The following DPH6 variants were observed in gnomAD, a reference collection of about 807,000 sequenced individuals.
DPH6 encodes diphthine--ammonia ligase.
DPH6 carries 33 observed loss-of-function variants against 38.2 expected under a neutral mutation model. That is an observed-to-expected ratio of 0.86 (90% CI 0.65 to 1.15). DPH6 has a LOEUF of 1.15. DPH6 is among the 50% of genes most tolerant of loss of function. The probability of loss-of-function intolerance (pLI) is 0.00; values close to 1 mark genes in which losing one functional copy is unlikely to be tolerated. For synonymous variants in DPH6, 108 were observed against 103.0 expected, an observed-to-expected ratio of 1.05 and a Z score of -0.30; for missense variants, 325 against 320.0, an observed-to-expected ratio of 1.02 and a Z score of -0.12.
At chr15:35,484,890 G>GA (rs1268640535) in intron 3 of DPH6, among the ~76,000 whole-genome samples, 1 of 151,860 alleles carries the variant, frequency 6.6e-6, no homozygotes, top group East Asian at 1.9e-4. Flanking sequence ...AATAGAAAGA[G>GA]AAAATACTAT....
intron 3 of DPH6, among the ~76,000 whole-genome samples, chr15:35,532,669 G>A (rs555478473): frequency 1.3e-5 from 2 of 152,188 alleles, no homozygotes; most frequent in South Asian, 4.1e-4. Context: ...GGAATATTAA[G>A]GTGGAAATAT....
chr15:35,328,156 G>T (rs2052300201), downstream of DPH6, among the ~76,000 whole-genome samples: 1 of 151,924 alleles, frequency 6.6e-6, no homozygotes, highest in African/African-American at 2.4e-5. Context: ...ATTGTGAAAA[G>T]GTAGAGTCTA....
At chr15:35,330,882 G>C (rs1325440955) in exon 4 of DPH6, 1 of 152,112 alleles carries the variant, frequency 6.6e-6, no homozygotes, top group East Asian at 1.9e-4. Flanking sequence ...AAATAAACCT[G>C]TTAATTTATT....
rs1318442383 is a variant in DPH6, at chr15:35,473,964, G to A, written c.313-19144C>T. On this transcript the variant is annotated intron_variant, in intron 3 of 8. Coordinates refer to ENST00000256538, the MANE Select transcript of DPH6 (RefSeq NM_080650.4). ...TGTGTGTGTGTGTGTGTGTGCGCGC[G>A]CGCGCGTGAGCTTTTGTAGACATAA... Among the ~76,000 whole-genome samples, 9 of 144,806 alleles carry A rather than the reference G, an allele frequency of 6.2e-5. No homozygotes were observed. In the East Asian group the frequency reaches 1.2e-3, roughly 19 times the overall value. 95.0% of individuals were successfully genotyped at this position (144,806 alleles called of 152,430 possible). A position where few individuals can be genotyped will look rare whatever the true frequency, so the allele number is the denominator to read the frequency against.
At chr15:35,287,631 G>A (rs1243383866) in intron 3 of DPH6, among the ~76,000 whole-genome samples, 1 of 151,954 alleles carries the variant, frequency 6.6e-6, no homozygotes, top group African/African-American at 2.4e-5. Context: ...TTCTTCCTAC[G>A]AACAGTGTAG....
chr15:35,479,084 A>T (rs2054296715), intron 3 of DPH6, among the ~76,000 whole-genome samples: 1 of 152,060 alleles, frequency 6.6e-6, no homozygotes, highest in Non-Finnish European at 1.5e-5. Context: ...AGAAAATTTC[A>T]AATTAACACT....
intron 3 of DPH6, among the ~76,000 whole-genome samples, chr15:35,348,785 ATGTCTTCCCCTTTATTTG>A (rs1223929644): frequency 6.6e-6 from 1 of 152,082 alleles, no homozygotes; most frequent in Admixed American, 6.5e-5. Flanking sequence ...TGATCACGGG[ATGTCTTCCCCTTTATTTG>A]TGTCTTGTTT....
chr15:35,528,454 T>G (rs1314106784), intron 3 of DPH6, among the ~76,000 whole-genome samples: 2 of 152,208 alleles, frequency 1.3e-5, no homozygotes, highest in South Asian at 4.1e-4. Flanking sequence ...CAAGGTACCT[T>G]ATATAGACTT....
At chr15:35,204,681 T>C in the DPH6 span, among the ~76,000 whole-genome samples, 1 of 151,938 alleles carries the variant, frequency 6.6e-6, no homozygotes, top group African/African-American at 2.4e-5. Context: ...TGAATCACTA[T>C]AAATGTAATC....
chr15:35,186,023 T>C, the DPH6 span, among the ~76,000 whole-genome samples: 8 of 152,082 alleles, frequency 5.3e-5, no homozygotes, highest in African/African-American at 1.9e-4. Context: ...TGTGAGCCAC[T>C]GCGCCCGGCC....
At chr15:35,490,068 A>T in intron 3 of DPH6, 1 of 985,452 alleles carries the variant, frequency 1.0e-6, no homozygotes. Context: ...TTGAGCAATT[A>T]TCTTCTTACT....
At chr15:35,180,888 C>A in the DPH6 span, among the ~76,000 whole-genome samples, 11 of 152,076 alleles carry the variant, frequency 7.2e-5, no homozygotes, top group African/African-American at 2.7e-4. Flanking sequence ...GTGAAATAGG[C>A]ATTGAAAGTA....
intron 3 of DPH6, among the ~76,000 whole-genome samples, chr15:35,316,892 AAGAC>A (rs1409644298): frequency 6.6e-6 from 1 of 152,194 alleles, no homozygotes; most frequent in Non-Finnish European, 1.5e-5. Context: ...GAAATAATAA[AAGAC>A]AGACAATGGA....
downstream of DPH6, chr15:35,330,734 T>C (rs1324090341): frequency 6.6e-6 from 1 of 152,218 alleles, no homozygotes; most frequent in Non-Finnish European, 1.5e-5. Flanking sequence ...GGTTTTACTT[T>C]TTCTCTTTAC....
intron 5 of DPH6, among the ~76,000 whole-genome samples, chr15:35,424,396 G>T (rs1566904655): frequency 1.3e-5 from 2 of 150,334 alleles, no homozygotes; most frequent in African/African-American, 4.9e-5. Context: ...ACTGATTGTT[G>T]TATGCTGATT....
At chr15:35,200,924 A>C in the DPH6 span, among the ~76,000 whole-genome samples, 2 of 150,490 alleles carry the variant, frequency 1.3e-5, no homozygotes, top group Admixed American at 6.6e-5. Context: ...AAAGTTGTAA[A>C]TTATAAAAAT....
intron 5 of DPH6, among the ~76,000 whole-genome samples, chr15:35,447,878 C>G (rs371477423): frequency 2.0e-5 from 3 of 152,138 alleles, no homozygotes; most frequent in African/African-American, 7.2e-5. Flanking sequence ...ATTCCTATAT[C>G]GCAATCCTAG....
At chr15:35,167,575 A>G in the DPH6 span, among the ~76,000 whole-genome samples, 85 of 19,518 alleles carry the variant, frequency 4.4e-3, no homozygotes, top group East Asian at 5.5e-3. Context: ...TTTTTTTTAA[A>G]AAAAAAAAAA....
intron 3 of DPH6, among the ~76,000 whole-genome samples, chr15:35,249,523 C>T (rs1016751456): frequency 1.8e-4 from 28 of 151,914 alleles, no homozygotes; most frequent in African/African-American, 7.3e-5. Flanking sequence ...TATTCTATGT[C>T]GAATTCTTTA....
Sources: gnomAD v4.1 joint callset for allele counts (sites outside exome capture counted in the v4.1 genomes callset) on GRCh38, gnomAD v4.1.1 for gene constraint, MANE v1.5 for transcripts, NCBI Gene and HGNC (gene_info 2026-07-23, HGNC 2026-07-21) for gene names.